Variants in UBE2R2 observed in about 807,000 individuals in gnomAD.
UBE2R2 encodes the protein ubiquitin-conjugating enzyme E2 R2.
A neutral mutation model predicts 27.8 loss-of-function variants in UBE2R2; 1 was observed. The observed-to-expected ratio is 0.04, with a 90% CI of 0.01 to 0.17. UBE2R2 has a LOEUF of 0.17. Among genes scored for constraint, UBE2R2 ranks in the 10% least tolerant of loss-of-function variants. The pLI, the probability that UBE2R2 is intolerant of heterozygous loss-of-function variation, is 1.00. For missense variants in UBE2R2, 100 were observed against 291.0 expected, an observed-to-expected ratio of 0.34 and a Z score of 4.78; for synonymous variants, 106 against 113.3, an observed-to-expected ratio of 0.94 and a Z score of 0.41.
At chr9:33,835,097 T>A (rs1415031901) in intron 1 of UBE2R2, among the ~76,000 whole-genome samples, 1 of 151,718 alleles carries the variant, frequency 6.6e-6, no homozygotes, top group African/African-American at 2.4e-5. Context: ...TTAATATGAA[T>A]ATGTTTTAGC....
At chr9:33,831,789 A>G (rs1435024133) in intron 1 of UBE2R2, among the ~76,000 whole-genome samples, 1 of 151,630 alleles carries the variant, frequency 6.6e-6, no homozygotes, top group East Asian at 2.0e-4. Context: ...CCTCCCTAGT[A>G]GTTGGGACTA....
chr9:33,843,042 C>CTTT (rs71506139), intron 1 of UBE2R2, among the ~76,000 whole-genome samples: 14,583 of 104,744 alleles, frequency 0.14, 1,291 homozygotes, highest in South Asian at 0.27. Flanking sequence ...AAACAGACCA[C>CTTT]TTTTTTTTTT....
intron 1 of UBE2R2, among the ~76,000 whole-genome samples, chr9:33,881,832 G>A (rs982701016): frequency 2.0e-5 from 3 of 152,062 alleles, no homozygotes; most frequent in South Asian, 2.1e-4. Flanking sequence ...ATTTCTCTAC[G>A]GTAGAGCTAC....
chr9:33,817,602 C>T lies in UBE2R2; in HGVS notation c.-156C>T. The T allele has an allele frequency of 1.1e-6, 1 of 886,232 alleles. No homozygotes were observed. The highest frequency in any genetic ancestry group is 1.4e-6 in the Non-Finnish European group (1 of 715,482). The allele number at this position is 886,232 out of a possible 1,614,324, so 54.9% of individuals were successfully genotyped here. ...GGAGGACCCCGGGCGGGCCCACGGG[C>T]CGTGTGGGGCCTGGTCTGGCCCGCC... On this transcript the variant is annotated 5_prime_UTR_variant, in exon 1 of 5. Transcript: ENST00000263228.
chr9:33,852,449 T>C (rs1820989937), intron 1 of UBE2R2, among the ~76,000 whole-genome samples: 1 of 152,164 alleles, frequency 6.6e-6, no homozygotes, highest in African/African-American at 2.4e-5. Context: ...AGTATAAATA[T>C]AAATGGGGAC....
chr9:33,897,570 G>A (rs907242245), intron 2 of UBE2R2, among the ~76,000 whole-genome samples: 32 of 151,708 alleles, frequency 2.1e-4, no homozygotes, highest in Non-Finnish European at 2.8e-4. Flanking sequence ...TGCCTGCCTC[G>A]GCCTCCCAAA....
At chr9:33,844,629 T>C (rs548690428) in intron 1 of UBE2R2, among the ~76,000 whole-genome samples, 1 of 152,062 alleles carries the variant, frequency 6.6e-6, no homozygotes, top group East Asian at 1.9e-4. Flanking sequence ...CTTGGTGGTG[T>C]TGTTCCAAAC....
intron 1 of UBE2R2, among the ~76,000 whole-genome samples, chr9:33,836,480 G>T (rs1197850514): frequency 6.6e-6 from 1 of 152,114 alleles, no homozygotes; most frequent in East Asian, 1.9e-4. Flanking sequence ...ATTTTGCTGG[G>T]CTTGGTGGCT....
At chr9:33,872,910 C>G (rs538564387) in intron 1 of UBE2R2, among the ~76,000 whole-genome samples, 1 of 152,164 alleles carries the variant, frequency 6.6e-6, no homozygotes, top group Admixed American at 6.5e-5. Context: ...CTCTGTGGCT[C>G]TCACCTGTAA....
rs1820320563 is a variant in UBE2R2, at chr9:33,826,604, A to G, written c.177+8670A>G. On this transcript the variant is annotated intron_variant, in intron 1 of 4. Coordinates refer to ENST00000263228, the MANE Select transcript of UBE2R2 (RefSeq NM_017811.4). The stretch of plus-strand genomic sequence containing the variant: ...TTCCAGCTACCCGGGAGGCTGAGGC[A>G]GGAGAATGGCTTGAATCCAGAGGCG... Among the ~76,000 whole-genome samples, 4 of 146,776 alleles carry G rather than the reference A, an allele frequency of 2.7e-5. 2 individuals carry two copies. In the South Asian group the frequency reaches 8.9e-4, roughly 33 times the overall value.
intron 4 of UBE2R2, among the ~76,000 whole-genome samples, chr9:33,913,511 C>T (rs1031515403): frequency 6.6e-6 from 1 of 152,148 alleles, no homozygotes; most frequent in African/African-American, 2.4e-5. Context: ...ATCCTCCTGC[C>T]TCAGCCTCCC....
chr9:33,895,635 G>T (rs1487281803), intron 2 of UBE2R2, among the ~76,000 whole-genome samples: 2 of 152,030 alleles, frequency 1.3e-5, no homozygotes, highest in African/African-American at 4.8e-5. Flanking sequence ...AGATCAAACT[G>T]GGGAATAGAA....
chr9:33,844,452 A>C (rs1375782765), intron 1 of UBE2R2, among the ~76,000 whole-genome samples: 1 of 147,744 alleles, frequency 6.8e-6, no homozygotes, highest in Non-Finnish European at 1.5e-5. Context: ...GATCCGCCCG[A>C]CTCAGCCTCC....
At chr9:33,884,027 G>A (rs970872035) in intron 1 of UBE2R2, among the ~76,000 whole-genome samples, 1 of 151,854 alleles carries the variant, frequency 6.6e-6, no homozygotes, top group South Asian at 2.1e-4. Context: ...GCTTGGAGAT[G>A]CATGCTTGTA....
In UBE2R2 at chr9:33,846,083, G is replaced by A. The variant is rs141075484; in HGVS notation, c.177+28149G>A. Among the ~76,000 whole-genome samples, 1,277 of 148,582 alleles carry A rather than the reference G, an allele frequency of 8.6e-3. 14 individuals carry two copies. The highest frequency in any genetic ancestry group is 0.029 in the African/African-American group (1,170 of 39,984). On this transcript the variant is annotated intron_variant, in intron 1 of 4. Coordinates refer to ENST00000263228, the MANE Select transcript of UBE2R2 (RefSeq NM_017811.4). ...GGAGCTTGCGGTGAGCCAAGATCAC[G>A]CCACTGCCCTCCAGCCTGGGTGACA... is the stretch of plus-strand genomic sequence containing the variant.
intron 1 of UBE2R2, among the ~76,000 whole-genome samples, chr9:33,865,826 T>C (rs933589181): frequency 2.7e-5 from 4 of 149,484 alleles, no homozygotes; most frequent in African/African-American, 9.9e-5. Flanking sequence ...TTTTTGTGTG[T>C]TTTTTTTTGT....
At chr9:33,840,012 C>A (rs1412426584) in intron 1 of UBE2R2, among the ~76,000 whole-genome samples, 2 of 151,872 alleles carry the variant, frequency 1.3e-5, no homozygotes, top group East Asian at 3.9e-4. Flanking sequence ...AAAAAAAATT[C>A]TGTTGTTTAT....
chr9:33,882,945 C>A (rs978205812), intron 1 of UBE2R2, among the ~76,000 whole-genome samples: 1 of 151,964 alleles, frequency 6.6e-6, no homozygotes, highest in Non-Finnish European at 1.5e-5. Flanking sequence ...AAAAATTAGC[C>A]AGGAGTGGTG....
At chr9:33,847,151 G>A (rs1410056212) in intron 1 of UBE2R2, among the ~76,000 whole-genome samples, 2 of 151,870 alleles carry the variant, frequency 1.3e-5, no homozygotes, top group Non-Finnish European at 2.9e-5. Flanking sequence ...AGTCTGAAGT[G>A]CAGTGGCATG....
Sources: gnomAD v4.1 joint callset for allele counts (sites outside exome capture counted in the v4.1 genomes callset) on GRCh38, gnomAD v4.1.1 for gene constraint, MANE v1.5 for transcripts, NCBI Gene and HGNC (gene_info 2026-07-23, HGNC 2026-07-21) for gene names.